The following FANCE variants were observed in gnomAD, a reference collection of about 807,000 sequenced individuals.
The protein encoded by FANCE is Fanconi anemia group E protein.
In FANCE, 42 loss-of-function variants were observed where a neutral mutation model predicts 57.8. That is an observed-to-expected ratio of 0.73 (90% CI 0.57 to 0.94). The LOEUF (loss-of-function observed/expected upper bound fraction) is 0.94, where lower values mean the gene tolerates loss of function less well. Among genes scored for constraint, FANCE ranks in the 40% least tolerant of loss-of-function variants. FANCE has a pLI of 0.00. For synonymous variants in FANCE, 251 were observed against 286.4 expected (o/e 0.88, Z 1.25); for missense variants, 608 against 661.8 (o/e 0.92, Z 0.89).
Position 35,456,844 on chromosome 6 carries a change from G to C in FANCE, c.855+491G>C, listed in dbSNP as rs922999810. On this transcript the variant is annotated intron_variant, in intron 2 of 9. Transcript: ENST00000229769. This position sits in a 1 kb window ranked among gnomAD's most constrained non-coding sequence, Gnocchi z 4.3. ...CAGACTCTTAAGGAGGGGTAGGGAA[G>C]GGAGTTATTGGAGGTGGGAAATGTG... Among the ~76,000 whole-genome samples the C allele has an allele frequency of 6.6e-6, 1 of 152,158 alleles. No individual in the cohort carries two copies. The highest frequency in any genetic ancestry group is 2.4e-5 in the African/African-American group (1 of 41,426).
At position 35,456,000 on chromosome 6, in the gene FANCE, T is replaced by G; in HGVS notation, c.502T>G (p.Cys168Gly). 6.2e-7 allele frequency: 1 copy of G among 1,612,992 alleles called. No individual in the cohort carries two copies. Among genetic ancestry groups the G allele is most frequent in the Non-Finnish European group, 8.5e-7 (1 of 1,179,686 alleles). The change falls in exon 2 of 10, where the codon TGT becomes GGT. Residue 168 changes from cysteine (C) to glycine (G), a missense_variant. Cys to Gly is a radical substitution (Grantham distance 159, BLOSUM62 -3). Transcript: ENST00000229769. ...ATGCCAGAGACAGCTCCAAAGTCTA[T>G]GTAGGGGGCTGGGCCTGGGGGGCAG... Reference protein sequence around the residue: ...ERCQRQLQSLCRGLGLGGRRL... With the variant: ...ERCQRQLQSLGRGLGLGGRRL...
intron 8 of FANCE, among the ~76,000 whole-genome samples, chr6:35,461,454 C>A (rs1767584783): frequency 6.6e-6 from 1 of 152,208 alleles, no homozygotes; most frequent in African/African-American, 2.4e-5. Flanking sequence ...ATCCGCCCCC[C>A]TCCAGAGATA....
intron 3 of FANCE, 51 bp from the exon 4 acceptor site, chr6:35,457,865 G>A: frequency 6.5e-7 from 1 of 1,539,560 alleles, no homozygotes; most frequent in South Asian, 1.1e-5. Context: ...TGGCTTCAGT[G>A]ACTTGTCACT....
chr6:35,456,410 C>A lies in FANCE; in HGVS notation c.855+57C>A, dbSNP rs961235084. On this transcript the variant is annotated intron_variant, in intron 2 of 9. Coordinates refer to ENST00000229769, the MANE Select transcript of FANCE (RefSeq NM_021922.3). This position sits in a 1 kb window ranked among gnomAD's most constrained non-coding sequence, Gnocchi z 4.3. ...ATCTTTCAGCAGTGGTGGCTTTATC[C>A]ATGGGGAAGGCTGCTTGGGACACTT... 6.2e-7 allele frequency: 1 copy of A among 1,611,492 alleles called. No individual in the cohort carries two copies. The highest frequency in any genetic ancestry group is 1.1e-5 in the South Asian group (1 of 90,920).
In FANCE at chr6:35,466,938, A is replaced by G. The variant is rs1373458508; in HGVS notation, c.*593A>G. 8.8e-6 allele frequency: 2 copies of G among 227,534 alleles called. No individual in the cohort carries two copies. Among genetic ancestry groups the G allele is most frequent in the Non-Finnish European group, 1.7e-5 (2 of 114,326 alleles). 14.1% of individuals were successfully genotyped at this position (227,534 alleles called of 1,614,324 possible). ...AGGGACAAACTTTCCGATAGGGCTC[A>G]GTAGGATCAAGCCGACCCAGAGTGG... On this transcript the variant is annotated 3_prime_UTR_variant, in exon 10 of 10. Transcript: ENST00000229769.
intron 8 of FANCE, among the ~76,000 whole-genome samples, chr6:35,462,011 C>T (rs542028456): frequency 2.8e-4 from 42 of 152,002 alleles, no homozygotes; most frequent in South Asian, 1.9e-3. Context: ...ATATTAATAG[C>T]ACCTACCATA....
chr6:35,458,803 C>T (rs192854162), intron 5 of FANCE, among the ~76,000 whole-genome samples: 6 of 152,082 alleles, frequency 3.9e-5, no homozygotes, highest in Non-Finnish European at 8.8e-5. Context: ...TATTTAGAGA[C>T]GGAGTCTTGC....
At chr6:35,462,097 A>AAAT (rs149428593) in intron 8 of FANCE, among the ~76,000 whole-genome samples, 29,570 of 146,194 alleles carry the variant, frequency 0.2, 5,614 homozygotes, top group African/African-American at 0.53. Context: ...AGTGTTTATT[A>AAAT]AATAATAATA....
At position 35,457,486 on chromosome 6, in the gene FANCE, G is replaced by A. The variant is rs9470033; in HGVS notation, c.856-70G>A. On this transcript the variant is annotated intron_variant, in intron 2 of 9. Coordinates refer to ENST00000229769, the MANE Select transcript of FANCE (RefSeq NM_021922.3). ...TGACCTGGGGCCTTTTCAGTAGGGG[G>A]AGCCAGAACCGGGCTTGGGGTCATG... 0.075 allele frequency: 117,495 copies of A among 1,563,544 alleles called. 8,664 individuals carry two copies. The highest frequency in any genetic ancestry group is 0.37 in the African/African-American group (27,127 of 73,974).
Position 35,458,469 on chromosome 6 carries a change from C to T in FANCE, c.1113+29C>T, listed in dbSNP as rs377393916. On this transcript the variant is annotated intron_variant, in intron 5 of 9. Coordinates refer to ENST00000229769, the MANE Select transcript of FANCE (RefSeq NM_021922.3). Reference sequence around the variant, plus strand: ...GGTGTATTGGGAGGTACTCAGAGTGCCAAGGACAATGGGGAAGAGCAACTG... The same window carrying T: ...GGTGTATTGGGAGGTACTCAGAGTGTCAAGGACAATGGGGAAGAGCAACTG... 27 of 1,613,258 alleles carry T rather than the reference C, an allele frequency of 1.7e-5. No homozygotes were observed. In the African/African-American group the frequency reaches 3.2e-4, roughly 19 times the overall value.
Position 35,458,460 on chromosome 6 carries a change from C to T in FANCE, c.1113+20C>T. On this transcript the variant is annotated intron_variant, in intron 5 of 9. Transcript: ENST00000229769. The stretch of plus-strand genomic sequence containing the variant: ...GGACGGGTAGGTGTATTGGGAGGTA[C>T]TCAGAGTGCCAAGGACAATGGGGAA... 1 of 1,613,782 alleles carries T rather than the reference C, an allele frequency of 6.2e-7. No individual in the cohort carries two copies. The highest frequency in any genetic ancestry group is 8.5e-7 in the Non-Finnish European group (1 of 1,179,860).
rs1767350369 is a variant in FANCE at position 35,456,517 on chromosome 6, CTCTT to C, written c.855+166_855+169del. Among the ~76,000 whole-genome samples the C allele has an allele frequency of 6.6e-6, 1 of 151,158 alleles. No individual in the cohort carries two copies. The highest frequency in any genetic ancestry group is 2.4e-5 in the African/African-American group (1 of 40,960). On this transcript the variant is annotated intron_variant, in intron 2 of 9. Coordinates refer to ENST00000229769, the MANE Select transcript of FANCE (RefSeq NM_021922.3). The surrounding 1 kb of genome is among the most constrained non-coding windows in gnomAD (Gnocchi z 4.3). ...GGGAATGTAGCCTCCACTCTACAGA[CTCTT>C]TTTTTTTTTTGAGATGGAGTTTTGC...
chr6:35,453,748 G>C (rs1767207143), intron 1 of FANCE, among the ~76,000 whole-genome samples: 1 of 152,224 alleles, frequency 6.6e-6, no homozygotes, highest in Admixed American at 6.5e-5. Context: ...TTCAGGAGAT[G>C]GGTCAGGAGA....
intron 9 of FANCE, 147 bp from the exon 10 acceptor site, chr6:35,466,097 G>T: frequency 1.5e-6 from 1 of 663,982 alleles, no homozygotes; most frequent in East Asian, 2.7e-5. Context: ...CGTTAACCAT[G>T]GTGAAATAAT....
rs752690798 is a variant in FANCE, at chr6:35,455,763, C to A, written c.265C>A (p.Arg89=). ...GRLELKPLLL[R]LPRICQRNLM... is the part of the protein sequence containing the mutation. ...GCTACCCAGGAAACCACTGTTGCTG[C>A]GATTGCCCCGGATATGCCAGAGGAA... Residue 89 remains arginine (R), a synonymous_variant, in exon 2 of 10, where the codon CGA becomes AGA. Transcript: ENST00000229769. 6.2e-7 allele frequency: 1 copy of A among 1,614,068 alleles called. No individual in the cohort carries two copies. The highest frequency in any genetic ancestry group is 8.5e-7 in the Non-Finnish European group (1 of 1,180,034).
chr6:35,465,165 ATATG>A (rs748699969), intron 9 of FANCE, among the ~76,000 whole-genome samples: 2 of 151,682 alleles, frequency 1.3e-5, no homozygotes, highest in Admixed American at 6.6e-5. Context: ...GGAGCTGTAT[ATATG>A]TATGTATGTA....
intron 6 of FANCE, 27 bp downstream of exon 6, chr6:35,459,481 A>G: frequency 6.2e-7 from 1 of 1,613,704 alleles, no homozygotes; most frequent in Non-Finnish European, 8.5e-7. Context: ...CCCCAGGCCC[A>G]GTAGCTCTGC....
chr6:35,458,603 A>G (rs74567654), intron 5 of FANCE, among the ~76,000 whole-genome samples, 163 bp downstream of exon 5: 1,782 of 150,716 alleles, frequency 0.012, 21 homozygotes, highest in East Asian at 0.057. Flanking sequence ...CTGGCAGGGC[A>G]TGGACCCCCA....
intron 9 of FANCE, 129 bp downstream of exon 9, chr6:35,463,043 G>A (rs562689928): frequency 6.9e-6 from 9 of 1,311,074 alleles, no homozygotes; most frequent in African/African-American, 1.5e-5. Flanking sequence ...GCTCACGCCT[G>A]TAATCTCAGC....
Sources: allele counts gnomAD v4.1 joint callset (sites outside exome capture counted in the v4.1 genomes callset), GRCh38; gene constraint gnomAD v4.1.1; non-coding constraint Gnocchi (gnomAD v3.1); transcripts MANE v1.5; gene names NCBI Gene and HGNC (gene_info 2026-07-23, HGNC 2026-07-21).